Variants in REPS2 observed in about 807,000 individuals in gnomAD.
The protein encoded by REPS2 is ralBP1-associated Eps domain-containing protein 2.
In REPS2, 23 loss-of-function variants were observed where a neutral mutation model predicts 53.6. That is an observed-to-expected ratio of 0.43 (90% CI 0.31 to 0.61). REPS2 has a LOEUF of 0.61. Ranked by LOEUF, REPS2 falls within the 20% of genes least tolerant of loss-of-function variation. The pLI is 0.11. For synonymous variants in REPS2, 238 were observed against 218.6 expected (o/e 1.09, Z -0.78); for missense variants, 446 against 534.9 (o/e 0.83, Z 1.64).
chrX:17,061,946 C>T lies in REPS2; in HGVS notation c.1115-492C>T, dbSNP rs182657262. On this transcript the variant is annotated intron_variant, in intron 8 of 17. Transcript: ENST00000357277. ...CTGCCAACCAAGGAGATAAATATTTCGTAAAATCATGTTGGGTGCACATCA... is the reference window on the plus strand; with the variant it reads ...CTGCCAACCAAGGAGATAAATATTTTGTAAAATCATGTTGGGTGCACATCA... Among the ~76,000 whole-genome samples the T allele has an allele frequency of 1.4e-3, 162 of 112,289 alleles. 2 individuals carry two copies. The highest frequency in any genetic ancestry group is 2.3e-3 in the Admixed American group (24 of 10,614).
chrX:17,027,789 AT>A (rs1408500795), intron 4 of REPS2, among the ~76,000 whole-genome samples: 1 of 106,141 alleles, frequency 9.4e-6, no homozygotes, highest in Non-Finnish European at 1.9e-5. Flanking sequence ...TTGGGGTTTC[AT>A]TTGGGAAGAA....
chrX:17,085,833 ATCTC>A (rs2062526776), intron 13 of REPS2, among the ~76,000 whole-genome samples: 1 of 112,001 alleles, frequency 8.9e-6, no homozygotes, highest in Admixed American at 9.5e-5. Flanking sequence ...CTCTTTGTAT[ATCTC>A]TCTAAGAGAT....
chrX:16,968,546 G>A (rs951035557), intron 1 of REPS2, among the ~76,000 whole-genome samples: 1 of 99,799 alleles, frequency 1.0e-5, no homozygotes, highest in Non-Finnish European at 2.1e-5. Flanking sequence ...CCTCCGGGAC[G>A]GGGTGGCTGG....
intron 5 of REPS2, among the ~76,000 whole-genome samples, chrX:17,042,700 G>C (rs1203794461): frequency 1.9e-5 from 2 of 107,130 alleles, no homozygotes; most frequent in Non-Finnish European, 4.0e-5. Context: ...TAAAGTATCT[G>C]ATATGGCTCC....
chrX:17,062,327 G>A lies in REPS2; in HGVS notation c.1115-111G>A, dbSNP rs185520175. 920 of 537,890 alleles carry A rather than the reference G, an allele frequency of 1.7e-3. 2 individuals carry two copies. In the Middle Eastern group the frequency reaches 0.028, roughly 16 times the overall value. The allele number at this position is 537,890 out of a possible 1,213,427, so 44.3% of individuals were successfully genotyped here. A position where few individuals can be genotyped will look rare whatever the true frequency, so the allele number is the denominator to read the frequency against. On this transcript the variant is annotated intron_variant, in intron 8 of 17. Coordinates refer to ENST00000357277, the MANE Select transcript of REPS2 (RefSeq NM_004726.3). Reference sequence around the variant, plus strand: ...GATGAATGCCATATGTGGTCTATCAGAGCTAGCTGATTTTGTTGTTATATT... The same window carrying A: ...GATGAATGCCATATGTGGTCTATCAAAGCTAGCTGATTTTGTTGTTATATT...
At chrX:17,133,677 C>T in intron 14 of REPS2, 147 bp from the exon 15 acceptor site, 1 of 508,329 alleles carries the variant, frequency 2.0e-6, no homozygotes, top group South Asian at 3.1e-5. Flanking sequence ...GAGGTTTTTC[C>T]CAAGGATCAG....
chrX:17,022,045 G>A lies in REPS2; in HGVS notation c.398-78G>A, dbSNP rs112078311. The A allele has an allele frequency of 1.2e-3, 1,066 of 902,709 alleles. 15 individuals carry two copies. In the African/African-American group the frequency reaches 0.018, roughly 15 times the overall value. 74.4% of individuals were successfully genotyped at this position (902,709 alleles called of 1,213,427 possible). On this transcript the variant is annotated intron_variant, in intron 2 of 17. Coordinates refer to ENST00000357277, the MANE Select transcript of REPS2 (RefSeq NM_004726.3). ...AATTTTTCCTCAAAAATGATTCATC[G>A]TTTGGCCATTGAGTTCCCCTTTTTT...
At chrX:16,993,395 C>A (rs2061186518) in intron 1 of REPS2, among the ~76,000 whole-genome samples, 1 of 111,690 alleles carries the variant, frequency 9.0e-6, no homozygotes, top group Non-Finnish European at 1.9e-5. Flanking sequence ...CTTGGCTGTC[C>A]TGTTGATTTG....
chrX:17,141,248 A>G (rs2063442709), intron 17 of REPS2, among the ~76,000 whole-genome samples: 1 of 112,033 alleles, frequency 8.9e-6, no homozygotes, highest in African/African-American at 3.2e-5. Context: ...TTTTTATACC[A>G]TAGTTTTGCC....
intron 1 of REPS2, among the ~76,000 whole-genome samples, chrX:16,969,124 G>A (rs1458237216): frequency 9.3e-6 from 1 of 107,536 alleles, no homozygotes; most frequent in African/African-American, 3.4e-5. Flanking sequence ...CATCTCAGAC[G>A]ATGGGCGGCC....
At position 16,996,559 on chromosome X, in the gene REPS2, A is replaced by C. The variant is rs113443364; in HGVS notation, c.274-9662A>C. On this transcript the variant is annotated intron_variant, in intron 1 of 17. Coordinates refer to ENST00000357277, the MANE Select transcript of REPS2 (RefSeq NM_004726.3). ...GAGAGGTGCATTTGTTATTTTAACA[A>C]TTGGATTGGGTCTTCACTGGGAGCT... 5.4e-3 allele frequency among the ~76,000 whole-genome samples: 611 copies of C among 112,350 alleles called. 5 individuals are homozygous for C. Among genetic ancestry groups the C allele is most frequent in the African/African-American group, 0.019 (586 of 30,912 alleles).
At chrX:17,037,318 T>C (rs1488464282) in intron 5 of REPS2, among the ~76,000 whole-genome samples, 1 of 111,781 alleles carries the variant, frequency 8.9e-6, no homozygotes, top group African/African-American at 3.3e-5. Context: ...ATTGATTGAT[T>C]GATTGATTGA....
chrX:17,161,858 A>G, the REPS2 span, among the ~76,000 whole-genome samples: 2 of 111,952 alleles, frequency 1.8e-5, no homozygotes, highest in Non-Finnish European at 3.8e-5. Flanking sequence ...ACCAAAAGAT[A>G]AAAGGCCCTT....
At chrX:17,154,585 T>C (rs2063597253), downstream of REPS2, among the ~76,000 whole-genome samples, 1 of 112,579 alleles carries the variant, frequency 8.9e-6, no homozygotes, top group Admixed American at 9.4e-5. Context: ...CTTGTGGTTG[T>C]TCAGGAACCC....
At chrX:17,003,655 G>C (rs990455767) in intron 1 of REPS2, among the ~76,000 whole-genome samples, 6 of 111,715 alleles carry the variant, frequency 5.4e-5, no homozygotes, top group Admixed American at 4.8e-4. Context: ...GGTGCTCTTG[G>C]AGAATTCTTC....
chrX:17,069,865 G>C (rs1403613107), intron 10 of REPS2, 75 bp from the exon 11 acceptor site: 1 of 616,346 alleles, frequency 1.6e-6, no homozygotes, highest in Non-Finnish European at 2.3e-6. Context: ...ATTTGCCTCA[G>C]AAATAACATT....
the REPS2 span, among the ~76,000 whole-genome samples, chrX:17,175,514 A>G: frequency 8.9e-6 from 1 of 112,045 alleles, no homozygotes; most frequent in Non-Finnish European, 1.9e-5. Context: ...GGGAAGGGAC[A>G]TTTTTGATCC....
At chrX:17,155,544 C>T (rs991764850), downstream of REPS2, among the ~76,000 whole-genome samples, 5 of 111,580 alleles carry the variant, frequency 4.5e-5, no homozygotes, top group African/African-American at 1.6e-4. Flanking sequence ...AATGGGAAGG[C>T]CTTGCATGAG....
intron 14 of REPS2, among the ~76,000 whole-genome samples, chrX:17,114,470 A>T (rs1219436426): frequency 1.8e-5 from 2 of 112,037 alleles, no homozygotes; most frequent in Non-Finnish European, 3.8e-5. Flanking sequence ...GAAGACTGCT[A>T]AGTAATTGGT....
Sources: gnomAD v4.1 joint callset for allele counts (sites outside exome capture counted in the v4.1 genomes callset) on GRCh38, gnomAD v4.1.1 for gene constraint, MANE v1.5 for transcripts, NCBI Gene and HGNC (gene_info 2026-07-23, HGNC 2026-07-21) for gene names.